PLXDC2: variants seen among roughly 807,000 people sequenced by gnomAD.
The protein encoded by PLXDC2 is plexin domain containing 2, also known as plexin domain-containing protein 2.
PLXDC2 carries 40 observed loss-of-function variants against 68.9 expected under a neutral mutation model. That is an observed-to-expected ratio of 0.58 (90% CI 0.45 to 0.76). The LOEUF is 0.76. PLXDC2 is among the 30% of genes least tolerant of loss of function. The pLI, the probability that PLXDC2 is intolerant of heterozygous loss-of-function variation, is 0.00. For synonymous variants in PLXDC2, 243 were observed against 234.2 expected, an observed-to-expected ratio of 1.04 and a Z score of -0.34; for missense variants, 644 against 661.9, an observed-to-expected ratio of 0.97 and a Z score of 0.30.
chr10:20,251,069 TC>T (rs1242662248), intron 13 of PLXDC2, among the ~76,000 whole-genome samples: 1 of 152,210 alleles, frequency 6.6e-6, no homozygotes, highest in East Asian at 1.9e-4. Context: ...ACATCCCATG[TC>T]TTCTTATACA....
At chr10:20,267,384 C>T (rs1835885062) in intron 13 of PLXDC2, among the ~76,000 whole-genome samples, 1 of 152,072 alleles carries the variant, frequency 6.6e-6, no homozygotes, top group Admixed American at 6.6e-5. Context: ...TAGTGCTTAA[C>T]AGAAGCAGAA....
intron 1 of PLXDC2, among the ~76,000 whole-genome samples, chr10:19,973,023 T>A (rs1373923332): frequency 6.6e-6 from 1 of 152,134 alleles, no homozygotes; most frequent in East Asian, 1.9e-4. Context: ...AGCAATACAA[T>A]AATTCTTTCA....
At chr10:20,194,168 TTGAG>T (rs146636943) in intron 9 of PLXDC2, among the ~76,000 whole-genome samples, 15,176 of 147,072 alleles carry the variant, frequency 0.1, 912 homozygotes, top group Non-Finnish European at 0.15. Flanking sequence ...AACTTAGACT[TTGAG>T]AGACGAATTG....
At chr10:20,023,961 C>T (rs960811876) in intron 2 of PLXDC2, among the ~76,000 whole-genome samples, 2 of 152,040 alleles carry the variant, frequency 1.3e-5, no homozygotes, top group African/African-American at 4.8e-5. Flanking sequence ...ATATCAACTG[C>T]CAGGACATTG....
chr10:19,824,066 A>T (rs968095987), intron 1 of PLXDC2, among the ~76,000 whole-genome samples: 2 of 152,118 alleles, frequency 1.3e-5, no homozygotes, highest in Admixed American at 1.3e-4. Flanking sequence ...GCAGATGAGG[A>T]TATTCTGCAA....
chr10:20,277,770 A>G (rs1242828484), intron 13 of PLXDC2, among the ~76,000 whole-genome samples: 1 of 152,176 alleles, frequency 6.6e-6, no homozygotes, highest in Non-Finnish European at 1.5e-5. Flanking sequence ...TTTGCTATCA[A>G]ATACTAAGTC....
chr10:20,126,135 A>G (rs575467097), intron 4 of PLXDC2, among the ~76,000 whole-genome samples: 172 of 147,548 alleles, frequency 1.2e-3, no homozygotes, highest in African/African-American at 3.9e-3. Flanking sequence ...TATGTTATAT[A>G]TGTGTATATA....
At chr10:20,131,353 T>C (rs1380804606) in intron 4 of PLXDC2, among the ~76,000 whole-genome samples, 1 of 152,120 alleles carries the variant, frequency 6.6e-6, no homozygotes, top group Non-Finnish European at 1.5e-5. Flanking sequence ...TTTCTTCTGA[T>C]ATTTTATATT....
intron 1 of PLXDC2, among the ~76,000 whole-genome samples, chr10:19,898,421 A>T (rs1838100470): frequency 6.6e-6 from 1 of 152,210 alleles, no homozygotes; most frequent in Non-Finnish European, 1.5e-5. Flanking sequence ...AGTGTCTGGA[A>T]ACGTTAAAAC....
intron 12 of PLXDC2, among the ~76,000 whole-genome samples, chr10:20,239,090 G>A (rs76858344): frequency 2.6e-5 from 4 of 151,998 alleles, no homozygotes; most frequent in African/African-American, 9.6e-5. Context: ...ATTAATCCCT[G>A]TTATTTTAAT....
intron 1 of PLXDC2, among the ~76,000 whole-genome samples, chr10:19,910,348 C>T (rs1281793668): frequency 6.6e-6 from 1 of 151,818 alleles, no homozygotes; most frequent in Non-Finnish European, 1.5e-5. Context: ...ATGTGTTTCT[C>T]GCATTTTTCT....
chr10:19,891,499 G>A (rs1002465533), intron 1 of PLXDC2, among the ~76,000 whole-genome samples: 1 of 152,128 alleles, frequency 6.6e-6, no homozygotes, highest in African/African-American at 2.4e-5. Flanking sequence ...AGTCTAACAT[G>A]GGAAATATTA....
chr10:20,248,354 T>A (rs1479239796), intron 13 of PLXDC2, among the ~76,000 whole-genome samples: 1 of 152,204 alleles, frequency 6.6e-6, no homozygotes, highest in African/African-American at 2.4e-5. Flanking sequence ...TATAGAATAT[T>A]AGAGCTAGAT....
At chr10:19,817,239 C>G in intron 1 of PLXDC2, 48 bp downstream of exon 1, 1 of 1,444,096 alleles carries the variant, frequency 6.9e-7, no homozygotes, top group Non-Finnish European at 9.5e-7. Context: ...CAGCTGAAGA[C>G]CTCTCTGGCA....
chr10:20,047,066 T>G, intron 3 of PLXDC2, 51 bp downstream of exon 3: 1 of 1,512,928 alleles, frequency 6.6e-7, no homozygotes, highest in Non-Finnish European at 8.9e-7. Context: ...AAAAAATAAT[T>G]GCTTTAATTG....
At chr10:19,838,136 G>GT (rs1398894952) in intron 1 of PLXDC2, among the ~76,000 whole-genome samples, 4 of 152,078 alleles carry the variant, frequency 2.6e-5, no homozygotes, top group African/African-American at 7.2e-5. Flanking sequence ...ATATTTTTAA[G>GT]TTTTTTTGTA....
chr10:20,047,055 GA>G (rs772368720), intron 3 of PLXDC2, 40 bp downstream of exon 3: 6 of 1,521,162 alleles, frequency 3.9e-6, no homozygotes, highest in Middle Eastern at 3.5e-4. Context: ...TACCTACTGT[GA>G]AAAAATAATT....
chr10:20,234,663 CTTTTTT>C (rs58791520), intron 12 of PLXDC2, among the ~76,000 whole-genome samples: 1 of 125,422 alleles, frequency 8.0e-6, no homozygotes, highest in Admixed American at 8.3e-5. Flanking sequence ...GGGTTTCTTT[CTTTTTT>C]TTTTTTTTTT....
intron 1 of PLXDC2, among the ~76,000 whole-genome samples, chr10:19,885,982 A>G (rs1161976837): frequency 2.0e-5 from 3 of 152,148 alleles, no homozygotes; most frequent in East Asian, 1.9e-4. Context: ...CTTCCTACCC[A>G]TGAGCATGGA....
Sources: gnomAD v4.1 joint callset for allele counts (sites outside exome capture counted in the v4.1 genomes callset) on GRCh38, gnomAD v4.1.1 for gene constraint, MANE v1.5 for transcripts, NCBI Gene and HGNC (gene_info 2026-07-23, HGNC 2026-07-21) for gene names.